CPA4: variants seen among roughly 807,000 people sequenced by gnomAD.
CPA4 encodes carboxypeptidase A3.
A neutral mutation model predicts 54.7 loss-of-function variants in CPA4; 49 were observed. The observed-to-expected ratio is 0.90, with a 90% CI of 0.71 to 1.14. CPA4 has a LOEUF of 1.14. CPA4 is among the 50% of genes most tolerant of loss of function. The probability of loss-of-function intolerance (pLI) is 0.00; values close to 1 mark genes in which losing one functional copy is unlikely to be tolerated. For missense variants in CPA4, 487 were observed against 525.1 expected (o/e 0.93, Z 0.71); for synonymous variants, 215 against 206.8 (o/e 1.04, Z -0.34).
At chr7:130,315,259 G>GAGGC (rs2117159159) in intron 10 of CPA4, among the ~76,000 whole-genome samples, 1 of 152,236 alleles carries the variant, frequency 6.6e-6, no homozygotes, top group East Asian at 1.9e-4. Flanking sequence ...GGGGTTGGTG[G>GAGGC]AGGCAGGGCT....
intron 10 of CPA4, among the ~76,000 whole-genome samples, chr7:130,320,302 A>G (rs1794070275): frequency 6.6e-6 from 1 of 152,232 alleles, no homozygotes; most frequent in African/African-American, 2.4e-5. Flanking sequence ...GACTTTCAGC[A>G]GGGACCCAAA....
At chr7:130,319,186 C>A (rs943020459) in intron 10 of CPA4, among the ~76,000 whole-genome samples, 3 of 152,204 alleles carry the variant, frequency 2.0e-5, no homozygotes, top group African/African-American at 7.2e-5. Context: ...CCTCTAGCAA[C>A]CCTTTCCCCT....
intron 5 of CPA4, 31 bp downstream of exon 5, chr7:130,304,610 T>G: frequency 7.7e-7 from 1 of 1,296,304 alleles, no homozygotes; most frequent in Non-Finnish European, 1.1e-6. Flanking sequence ...AAGGGTCTCC[T>G]GGGTCCTCAT....
chr7:130,323,300 A>G lies in CPA4; in HGVS notation c.*624A>G, dbSNP rs1436029992. The stretch of plus-strand genomic sequence containing the variant: ...GATGGCTCGATCTTGGCTCACCACA[A>G]CCTCTGCCTCCTGGGTTCAAGCAAT... On this transcript the variant is annotated 3_prime_UTR_variant, in exon 11 of 11. Coordinates refer to ENST00000222482, the MANE Select transcript of CPA4 (RefSeq NM_016352.4). 1 of 151,396 alleles carries G rather than the reference A, an allele frequency of 6.6e-6. No individual in the cohort carries two copies. The highest frequency in any genetic ancestry group is 1.5e-5 in the Non-Finnish European group (1 of 68,032). 9.4% of individuals were successfully genotyped at this position (151,396 alleles called of 1,614,324 possible).
In CPA4 at chr7:130,304,652, G is replaced by T. The variant is rs1474999848; in HGVS notation, c.486+73G>T. 6.4e-6 allele frequency: 6 copies of T among 941,500 alleles called. No homozygotes were observed. The East Asian group carries it at 1.2e-4, about 19-fold the overall frequency. 58.3% of individuals were successfully genotyped at this position (941,500 alleles called of 1,614,324 possible). A position where few individuals can be genotyped will look rare whatever the true frequency, so the allele number is the denominator to read the frequency against. ...GACCCAGCCTCAGACCTCTGAAAAG[G>T]GTAGCTTTTTGAACTCCTTGACTTC... On this transcript the variant is annotated intron_variant, in intron 5 of 10. Transcript: ENST00000222482.
At chr7:130,306,044 G>T (rs945815363) in intron 6 of CPA4, 124 bp downstream of exon 6, 5 of 734,002 alleles carry the variant, frequency 6.8e-6, no homozygotes, top group Middle Eastern at 3.8e-4. Context: ...CGGCTGGGGG[G>T]CCTTTTCAGA....
chr7:130,297,353 A>T (rs1584744178), intron 1 of CPA4, among the ~76,000 whole-genome samples: 1 of 151,494 alleles, frequency 6.6e-6, no homozygotes, highest in African/African-American at 2.4e-5. Flanking sequence ...GGTAGGTCCA[A>T]CTCTTGGCAA....
At position 130,294,880 on chromosome 7, in the gene CPA4, T is replaced by C. The variant is rs142647494; in HGVS notation, c.68+1632T>C. Among the ~76,000 whole-genome samples, 10 of 152,248 alleles carry C rather than the reference T, an allele frequency of 6.6e-5. No homozygotes were observed. In the East Asian group the frequency reaches 1.9e-3, roughly 29 times the overall value. On this transcript the variant is annotated intron_variant, in intron 1 of 10. Coordinates refer to ENST00000222482, the MANE Select transcript of CPA4 (RefSeq NM_016352.4). ...GGAAGCTGGCCTCTGAGCATTCAAG[T>C]GGTTGGGAAGCCAGGCTCTGGATTG... is the stretch of plus-strand genomic sequence containing the variant.
intron 8 of CPA4, among the ~76,000 whole-genome samples, chr7:130,308,731 T>C (rs867081504): frequency 1.5e-5 from 2 of 135,312 alleles, no homozygotes; most frequent in African/African-American, 6.8e-5. Flanking sequence ...CTATTTTTTT[T>C]CAGTAGAGAT....
Position 130,304,540 on chromosome 7 carries a change from T to G in CPA4, c.447T>G (p.Ile149Met), listed in dbSNP as rs1378813487. ...DFPDLARRVKIGHSFENRPMY... is the reference protein window; with the variant it reads ...DFPDLARRVKMGHSFENRPMY... ...CTGACCTGGCGAGGAGGGTGAAGAT[T>G]GGACATTCGTTTGAAAACCGGCCGA... Residue 149 changes from isoleucine (I) to methionine (M), a missense_variant, in exon 5 of 11, where the codon ATT becomes ATG. Coordinates refer to ENST00000222482, the MANE Select transcript of CPA4 (RefSeq NM_016352.4). 1.2e-6 allele frequency: 2 copies of G among 1,613,776 alleles called. No homozygotes were observed. The highest frequency in any genetic ancestry group is 1.7e-5 in the Admixed American group (1 of 60,016).
At chr7:130,319,654 A>T (rs1794055146) in intron 10 of CPA4, among the ~76,000 whole-genome samples, 1 of 152,028 alleles carries the variant, frequency 6.6e-6, no homozygotes, top group African/African-American at 2.4e-5. Flanking sequence ...TGGACTGGGG[A>T]GGTGGGAGGC....
chr7:130,312,052 G>T lies in CPA4; in HGVS notation c.1008G>T (p.Arg336Ser), dbSNP rs77010479. 3 of 1,614,162 alleles carry T rather than the reference G, an allele frequency of 1.9e-6. No individual in the cohort carries two copies. Among genetic ancestry groups the T allele is most frequent in the South Asian group, 1.1e-5 (1 of 91,062 alleles). Residue 336 changes from arginine (R) to serine (S), a missense_variant, in exon 10 of 11, where the codon AGG becomes AGT. Coordinates refer to ENST00000222482, the MANE Select transcript of CPA4 (RefSeq NM_016352.4). ...CCCCTTCCCAGGACAAGGTGGCGAG[G>T]CTTGCGGCCAAAGCTCTGGCTTCTG... The part of the protein sequence containing the change: ...PDAEELDKVA[R>S]LAAKALASVS...
chr7:130,300,717 G>A (rs2117136313), intron 3 of CPA4, 99 bp from the exon 4 acceptor site: 2 of 738,960 alleles, frequency 2.7e-6, no homozygotes, highest in Middle Eastern at 3.0e-4. Flanking sequence ...ATGCTGAAAG[G>A]GCCGCCATCT....
rs1414534927 is a variant in CPA4 at position 130,310,418 on chromosome 7, GAATAAGTTGACACCAGA to G, written c.794-367_794-351del. ...CTTGGCCTTTAAGATCTCAACCAGA[GAATAAGTTGACACCAGA>G]ATAAATGGAGTCATTTTCATTATTT... On this transcript the variant is annotated intron_variant, in intron 8 of 10. Transcript: ENST00000222482. This position sits in a 1 kb window ranked among gnomAD's most constrained non-coding sequence, Gnocchi z 4.3. Among the ~76,000 whole-genome samples the G allele has an allele frequency of 6.6e-6, 1 of 152,194 alleles. No homozygotes were observed. The highest frequency in any genetic ancestry group is 2.1e-4 in the South Asian group (1 of 4,828).
intron 6 of CPA4, chr7:130,306,149 G>A (rs1793817686): frequency 3.5e-6 from 2 of 567,992 alleles, no homozygotes; most frequent in South Asian, 4.0e-5. Flanking sequence ...CAGCAGAGGT[G>A]GGCCTGAGCC....
intron 10 of CPA4, among the ~76,000 whole-genome samples, chr7:130,313,622 C>T (rs1793946014): frequency 6.6e-6 from 1 of 150,806 alleles, no homozygotes; most frequent in African/African-American, 2.4e-5. Context: ...AATCTGCCTG[C>T]TCCCAATCCA....
At position 130,304,410 on chromosome 7, in the gene CPA4, T is replaced by A; in HGVS notation, c.385-68T>A. ...AGATAGTTAAGATCAACAAGGTAAA[T>A]CACAGATATCCAGCCATAGATAAGC... On this transcript the variant is annotated intron_variant, in intron 4 of 10. Transcript: ENST00000222482. 8.7e-6 allele frequency: 8 copies of A among 916,558 alleles called. No homozygotes were observed. In the South Asian group the frequency reaches 1.0e-4, roughly 12 times the overall value. 56.8% of individuals were successfully genotyped at this position (916,558 alleles called of 1,614,324 possible).
At chr7:130,312,513 T>C (rs770702251) in intron 10 of CPA4, among the ~76,000 whole-genome samples, 25 of 152,098 alleles carry the variant, frequency 1.6e-4, no homozygotes, top group Non-Finnish European at 2.9e-4. Flanking sequence ...AATTCCCACA[T>C]GTTGTGGGAG....
At position 130,300,877 on chromosome 7, in the gene CPA4, A is replaced by G. The variant is rs961771358; in HGVS notation, c.347A>G (p.Asn116Ser). Residue 116 changes from asparagine to serine, a missense_variant, in exon 4 of 11, where the codon AAT becomes AGT. Coordinates refer to ENST00000222482, the MANE Select transcript of CPA4 (RefSeq NM_016352.4). ...AATGAAGGGCAAGAACGGAGCAGTAATAACTTCAACTACGGGGCTTACCAT... is the reference window on the plus strand; with the variant it reads ...AATGAAGGGCAAGAACGGAGCAGTAGTAACTTCAACTACGGGGCTTACCAT... ...QHNEGQERSS[N>S]NFNYGAYHSL... 1.9e-5 allele frequency: 30 copies of G among 1,613,818 alleles called. No individual in the cohort carries two copies. The highest frequency in any genetic ancestry group is 2.5e-5 in the Non-Finnish European group (29 of 1,179,784).
Sources: allele counts gnomAD v4.1 joint callset (sites outside exome capture counted in the v4.1 genomes callset), GRCh38; gene constraint gnomAD v4.1.1; non-coding constraint Gnocchi (gnomAD v3.1); transcripts MANE v1.5; gene names NCBI Gene and HGNC (gene_info 2026-07-23, HGNC 2026-07-21).